Variants in DUSP22 observed in about 807,000 individuals in gnomAD.
The protein encoded by DUSP22 is dual specificity protein phosphatase 22.
Under a neutral mutation model 24.5 loss-of-function variants are expected in DUSP22, and 24 were observed. That is an observed-to-expected ratio of 0.98 (90% confidence interval 0.71 to 1.38). The LOEUF is 1.38. Ranked by LOEUF, DUSP22 falls within the 40% of genes most tolerant of loss-of-function variation. The probability of loss-of-function intolerance (pLI) is 0.00; values close to 1 mark genes in which losing one functional copy is unlikely to be tolerated. For synonymous variants in DUSP22, 160 were observed against 106.4 expected, an observed-to-expected ratio of 1.50 and a Z score of -3.10; for missense variants, 330 against 269.2, an observed-to-expected ratio of 1.23 and a Z score of -1.58.
chr6:318,494 C>G (rs967904029), intron 3 of DUSP22, among the ~76,000 whole-genome samples: 1 of 152,306 alleles, frequency 6.6e-6, no homozygotes, highest in Non-Finnish European at 1.5e-5. Flanking sequence ...TCCAGCCCTA[C>G]CTTTTCCCTA....
At chr6:332,368 G>T (rs542458809) in intron 3 of DUSP22, among the ~76,000 whole-genome samples, 59 of 152,402 alleles carry the variant, frequency 3.9e-4, no homozygotes, top group Middle Eastern at 6.8e-3. Context: ...GGCCAGCATG[G>T]CCAAGAGCTG....
At chr6:342,517 G>C (rs1759656806) in intron 4 of DUSP22, among the ~76,000 whole-genome samples, 1 of 152,312 alleles carries the variant, frequency 6.6e-6, no homozygotes, top group African/African-American at 2.4e-5. Context: ...CACCAGGCAA[G>C]TTGCAGACCA....
At chr6:308,945 G>A (rs535152497) in intron 2 of DUSP22, among the ~76,000 whole-genome samples, 86 of 152,380 alleles carry the variant, frequency 5.6e-4, no homozygotes, top group African/African-American at 1.9e-3. Context: ...CTGGGTCCTC[G>A]CCCCACCTCC....
chr6:323,011 G>C (rs1205072164), intron 3 of DUSP22, among the ~76,000 whole-genome samples: 1 of 152,294 alleles, frequency 6.6e-6, no homozygotes, highest in Non-Finnish European at 1.5e-5. Flanking sequence ...CTGTTTTCAG[G>C]TGCTCTGAAT....
In DUSP22 at chr6:349,330, G is replaced by T. The variant is rs975069108; in HGVS notation, c.*379G>T. ...ATGTTGTGAAAGTGTCTGTGCACATGAATGTTTGTGTGTGTGTGAACTCTT... is the reference window on the plus strand; with the variant it reads ...ATGTTGTGAAAGTGTCTGTGCACATTAATGTTTGTGTGTGTGTGAACTCTT... On this transcript the variant is annotated 3_prime_UTR_variant, in exon 7 of 7. Transcript: ENST00000419235. The T allele has an allele frequency of 5.2e-5, 57 of 1,089,226 alleles. No homozygotes were observed. The East Asian group carries it at 1.3e-3, about 25-fold the overall frequency. The allele number at this position is 1,089,226 out of a possible 1,614,324, so 67.5% of individuals were successfully genotyped here.
intron 1 of DUSP22, among the ~76,000 whole-genome samples, chr6:299,117 A>G (rs1404882402): frequency 6.6e-6 from 1 of 152,308 alleles, no homozygotes; most frequent in South Asian, 2.1e-4. Flanking sequence ...ACTTCAGCAT[A>G]GTGGGACATT....
Position 349,762 on chromosome 6 carries a change from G to C in DUSP22, c.*811G>C, listed in dbSNP as rs1286271145. The C allele has an allele frequency of 2.0e-6, 2 of 985,868 alleles. No individual in the cohort carries two copies. Among genetic ancestry groups the C allele is most frequent in the East Asian group, 2.3e-4 (2 of 8,852 alleles). 61.1% of individuals were successfully genotyped at this position (985,868 alleles called of 1,614,324 possible). ...AGGGTTCCCTAGCGCCTTGAGTCAA[G>C]GCCACTTTTCAGCCCATCGAGCCCT... On this transcript the variant is annotated 3_prime_UTR_variant, in exon 7 of 7. Coordinates refer to ENST00000419235, the MANE Select transcript of DUSP22 (RefSeq NM_001286555.3).
At chr6:341,395 T>C (rs1049982683) in intron 4 of DUSP22, among the ~76,000 whole-genome samples, 190 of 152,374 alleles carry the variant, frequency 1.2e-3, no homozygotes, top group African/African-American at 4.4e-3. Context: ...GGACCAGGAC[T>C]GTGGGTATTT....
chr6:334,547 T>C (rs1318179914), intron 3 of DUSP22, among the ~76,000 whole-genome samples: 1 of 152,304 alleles, frequency 6.6e-6, no homozygotes, highest in African/African-American at 2.4e-5. Flanking sequence ...GTATTTTTGT[T>C]TGATATATAA....
At chr6:341,659 C>T (rs1022988135) in intron 4 of DUSP22, among the ~76,000 whole-genome samples, 12 of 152,418 alleles carry the variant, frequency 7.9e-5, no homozygotes, top group African/African-American at 1.4e-4. Context: ...CCTGGGGTGG[C>T]GCCGCGAATG....
At chr6:302,541 C>T (rs1757633436) in intron 1 of DUSP22, among the ~76,000 whole-genome samples, 1 of 152,298 alleles carries the variant, frequency 6.6e-6, no homozygotes, top group African/African-American at 2.4e-5. Context: ...CAGGTCACCT[C>T]CACTTTCCCT....
chr6:293,239 T>A (rs1407314716), intron 1 of DUSP22, among the ~76,000 whole-genome samples: 2 of 152,292 alleles, frequency 1.3e-5, no homozygotes, highest in Non-Finnish European at 2.9e-5. Context: ...CCCTGTGTTC[T>A]TTTGTTGCCC....
chr6:322,333 T>C (rs1758635197), intron 3 of DUSP22, among the ~76,000 whole-genome samples: 1 of 152,304 alleles, frequency 6.6e-6, no homozygotes, highest in African/African-American at 2.4e-5. Context: ...CACACATCTT[T>C]GTTACTCCTG....
At chr6:328,148 G>A (rs1451180077) in intron 3 of DUSP22, among the ~76,000 whole-genome samples, 6 of 152,296 alleles carry the variant, frequency 3.9e-5, no homozygotes, top group African/African-American at 9.6e-5. Flanking sequence ...TTTGAGATGG[G>A]TTGTTCAGGC....
At chr6:332,659 T>TC (rs1554101478) in intron 3 of DUSP22, among the ~76,000 whole-genome samples, 2 of 152,230 alleles carry the variant, frequency 1.3e-5, no homozygotes, top group African/African-American at 2.4e-5. Flanking sequence ...TTTTTTTTTT[T>TC]CTTTCCTCTT....
chr6:330,940 A>C (rs973137519), intron 3 of DUSP22, among the ~76,000 whole-genome samples: 4 of 152,302 alleles, frequency 2.6e-5, no homozygotes, highest in African/African-American at 9.6e-5. Flanking sequence ...TATACGGTGT[A>C]CACCTGGTCC....
In DUSP22 at chr6:348,839, T is replaced by C. The variant is rs768639385; in HGVS notation, c.506T>C (p.Leu169Pro). ...LQDAEEAKNI[L>P]GKYKEQGRTE... Reference sequence around the variant, plus strand: ...GATGCAGAAGAAGCCAAAAACATTCTGGGTAAATATAAGGAGCAAGGGCGC... The same window carrying C: ...GATGCAGAAGAAGCCAAAAACATTCCGGGTAAATATAAGGAGCAAGGGCGC... Residue 169 changes from leucine (L) to proline (P), a missense_variant, in exon 7 of 7, where the codon CTG becomes CCG. By Grantham distance (98) the Leu-to-Pro change is moderately conservative. Transcript: ENST00000419235. The C allele has an allele frequency of 8.1e-6, 13 of 1,614,308 alleles. No homozygotes were observed. The highest frequency in any genetic ancestry group is 1.1e-5 in the Non-Finnish European group (13 of 1,180,054).
At chr6:335,012 TA>T (rs1759300479) in intron 3 of DUSP22, 101 bp from the exon 4 acceptor site, 1 of 1,342,048 alleles carries the variant, frequency 7.5e-7, no homozygotes, top group African/African-American at 1.5e-5. Context: ...TTCTCCTTTT[TA>T]TTTTTTTATT....
rs549106308 is a variant in DUSP22 at position 303,600 on chromosome 6, G to A, written c.22-1028G>A. Reference sequence around the variant, plus strand: ...CAGGGTTGGCAGACAGTGGGGGCGAGGCTAGGACATCTAGGGATCTGTGGT... The same window carrying A: ...CAGGGTTGGCAGACAGTGGGGGCGAAGCTAGGACATCTAGGGATCTGTGGT... On this transcript the variant is annotated intron_variant, in intron 1 of 6. Coordinates refer to ENST00000419235, the MANE Select transcript of DUSP22 (RefSeq NM_001286555.3). Among the ~76,000 whole-genome samples the A allele has an allele frequency of 1.2e-4, 18 of 152,430 alleles. No individual in the cohort carries two copies. In the East Asian group the frequency reaches 3.5e-3, roughly 29 times the overall value.
Sources: allele counts gnomAD v4.1 joint callset (sites outside exome capture counted in the v4.1 genomes callset), GRCh38; gene constraint gnomAD v4.1.1; transcripts MANE v1.5; gene names NCBI Gene and HGNC (gene_info 2026-07-23, HGNC 2026-07-21).